Variants in IL4R observed in about 807,000 individuals in gnomAD.
IL4R encodes interleukin-4 receptor subunit alpha.
A neutral mutation model predicts 41.5 loss-of-function variants in IL4R; 17 were observed. The ratio of observed to expected loss-of-function variants is 0.41; its 90% CI spans 0.28 to 0.61. The LOEUF is 0.61. IL4R is among the 20% of genes least tolerant of loss of function. The pLI is 0.31. For synonymous variants in IL4R, 402 were observed against 422.9 expected (o/e 0.95, Z 0.61); for missense variants, 974 against 1,043.1 (o/e 0.93, Z 0.91).
intron 6 of IL4R, among the ~76,000 whole-genome samples, chr16:27,347,449 C>T (rs1167700702): frequency 2.6e-5 from 4 of 152,176 alleles, no homozygotes; most frequent in Non-Finnish European, 5.9e-5. Context: ...CCTTGGCCTC[C>T]CAAAGTGCTG....
chr16:27,363,409 T>C lies in IL4R; in HGVS notation c.2057T>C (p.Val686Ala), dbSNP rs138531957. Residue 686 changes from valine (V) to alanine (A), a missense_variant, in exon 11 of 11, where the codon GTA (valine) becomes GCA (alanine). This residue lies in a region of IL4R where 682 missense variants were observed against 704.3 expected (regional missense o/e 0.97). Coordinates refer to ENST00000395762, the MANE Select transcript of IL4R (RefSeq NM_000418.4). ...EHLGLEPGEK[V>A]EDMPKPPLPQ... ...CTGGGTCTGGAGCCGGGGGAAAAGG[T>C]AGAGGACATGCCAAAGCCCCCACTT... 4.9e-5 allele frequency: 79 copies of C among 1,614,012 alleles called. No homozygotes were observed. In the African/African-American group the frequency reaches 9.3e-4, roughly 19 times the overall value.
chr16:27,324,708 G>A (rs1005624828), intron 1 of IL4R, among the ~76,000 whole-genome samples: 1 of 152,242 alleles, frequency 6.6e-6, no homozygotes, highest in African/African-American at 2.4e-5. Context: ...CCTCCTTTGG[G>A]CCTCTGGAAT....
rs754132056 is a variant in IL4R at position 27,362,895 on chromosome 16, C to G, written c.1543C>G (p.Pro515Ala). ...SQSPCPRELG[P>A]DPLLARHLEE... Reference sequence around the variant, plus strand: ...GTCACCGTGTCCCAGAGAGCTGGGTCCAGACCCACTGCTGGCCAGACACCT... The same window carrying G: ...GTCACCGTGTCCCAGAGAGCTGGGTGCAGACCCACTGCTGGCCAGACACCT... Residue 515 changes from proline (P) to alanine (A), a missense_variant, in exon 11 of 11, where the codon CCA becomes GCA. Coordinates refer to ENST00000395762, the MANE Select transcript of IL4R (RefSeq NM_000418.4). 1 of 1,614,162 alleles carries G rather than the reference C, an allele frequency of 6.2e-7. No individual in the cohort carries two copies. The highest frequency in any genetic ancestry group is 8.5e-7 in the Non-Finnish European group (1 of 1,180,024).
At chr16:27,334,921 A>G (rs928689022) in intron 2 of IL4R, among the ~76,000 whole-genome samples, 3 of 152,088 alleles carry the variant, frequency 2.0e-5, no homozygotes, top group African/African-American at 7.2e-5. Flanking sequence ...TGTGCCAGGC[A>G]CCGTTGTAGA....
At chr16:27,350,741 A>G (rs186783297) in intron 6 of IL4R, among the ~76,000 whole-genome samples, 148 of 152,272 alleles carry the variant, frequency 9.7e-4, no homozygotes, top group Non-Finnish European at 1.8e-3. Flanking sequence ...TAAAAATACA[A>G]ATGGTACAAA....
rs1244196885 is a variant in IL4R at position 27,345,980 on chromosome 16, A to G, written c.362-487A>G. On this transcript the variant is annotated intron_variant, in intron 5 of 10. Coordinates refer to ENST00000395762, the MANE Select transcript of IL4R (RefSeq NM_000418.4). This position sits in a 1 kb window ranked among gnomAD's most constrained non-coding sequence, Gnocchi z 4.5. ...GAGTGAGATTACGTCTCAAAAAAAT[A>G]AAAATAAATAAAAATAAAAAGATTT... Among the ~76,000 whole-genome samples the G allele has an allele frequency of 6.6e-6, 1 of 152,084 alleles. No individual in the cohort carries two copies. Among genetic ancestry groups the G allele is most frequent in the African/African-American group, 2.4e-5 (1 of 41,410 alleles).
At chr16:27,329,384 AT>A (rs1270105943) in intron 1 of IL4R, among the ~76,000 whole-genome samples, 2 of 152,130 alleles carry the variant, frequency 1.3e-5, no homozygotes, top group Admixed American at 6.6e-5. Flanking sequence ...CTTATGGCAT[AT>A]TTTAATCTAG....
At chr16:27,360,841 C>CTTG in intron 10 of IL4R, 26 bp downstream of exon 10, 1 of 1,614,138 alleles carries the variant, frequency 6.2e-7, no homozygotes, top group Non-Finnish European at 8.5e-7. Flanking sequence ...TAGGTCACAG[C>CTTG]CTGCATGCAT....
At chr16:27,358,240 G>A (rs116709934) in intron 8 of IL4R, among the ~76,000 whole-genome samples, 226 of 152,338 alleles carry the variant, frequency 1.5e-3, no homozygotes, top group African/African-American at 5.1e-3. Flanking sequence ...TTTCCCTCTT[G>A]AAGGTCAGTT....
At chr16:27,326,703 G>A (rs531307943) in intron 1 of IL4R, among the ~76,000 whole-genome samples, 8 of 152,284 alleles carry the variant, frequency 5.3e-5, no homozygotes, top group African/African-American at 1.9e-4. Flanking sequence ...ACTTGAGCAA[G>A]TGGGTGAGGA....
chr16:27,325,014 C>G (rs1159473310), intron 1 of IL4R, among the ~76,000 whole-genome samples: 3 of 152,190 alleles, frequency 2.0e-5, no homozygotes, highest in Non-Finnish European at 4.4e-5. Context: ...CAGCTCTCAG[C>G]TCAGCCCGCT....
In IL4R at chr16:27,342,232, T is replaced by C. The variant is rs370761635; in HGVS notation, c.182T>C (p.Leu61Ser). Residue 61 changes from leucine to serine, a missense_variant, in exon 4 of 11, where the codon TTG (leucine) becomes TCG (serine). Transcript: ENST00000395762. ...AATTGCAGCACCGAGCTCCGCCTGT[T>C]GTACCAGCTGGTTTTTCTGCTCTCC... ...PTNCSTELRL[L>S]YQLVFLLSEA... 5.6e-6 allele frequency: 9 copies of C among 1,614,106 alleles called. No individual in the cohort carries two copies. In the African/African-American group the frequency reaches 6.7e-5, roughly 12 times the overall value.
In IL4R at chr16:27,342,169, G is replaced by A. The variant is rs2141133465; in HGVS notation, c.119G>A (p.Ser40Asn). The change falls in exon 4 of 11, where the codon AGC becomes AAC. Residue 40 changes from serine (S) to asparagine (N), a missense_variant. Ser to Asn is a conservative substitution (Grantham distance 46, BLOSUM62 1). This residue lies in a region of IL4R where 284 missense variants were observed against 313.4 expected (regional missense o/e 0.91). Coordinates refer to ENST00000395762, the MANE Select transcript of IL4R (RefSeq NM_000418.4). Reference sequence around the variant, plus strand: ...CCCACCTGCGTCTCCGACTACATGAGCATCTCTACTTGCGAGTGGAAGATG... The same window carrying A: ...CCCACCTGCGTCTCCGACTACATGAACATCTCTACTTGCGAGTGGAAGATG... ...QEPTCVSDYM[S>N]ISTCEWKMNG... 1.2e-6 allele frequency: 2 copies of A among 1,614,238 alleles called. No individual in the cohort carries two copies. Among genetic ancestry groups the A allele is most frequent in the Non-Finnish European group, 1.7e-6 (2 of 1,180,040 alleles).
intron 2 of IL4R, among the ~76,000 whole-genome samples, chr16:27,335,660 C>T (rs1436741945): frequency 6.6e-6 from 1 of 152,154 alleles, no homozygotes; most frequent in Non-Finnish European, 1.5e-5. Flanking sequence ...AGGCTAGCTG[C>T]TGAGTACTTC....
chr16:27,334,943 C>T (rs914526652), intron 2 of IL4R, among the ~76,000 whole-genome samples: 1 of 152,064 alleles, frequency 6.6e-6, no homozygotes, highest in Admixed American at 6.6e-5. Flanking sequence ...ACTGGGGACT[C>T]GGCAGTGAAT....
chr16:27,316,239 A>C (rs1163429703), intron 1 of IL4R, among the ~76,000 whole-genome samples: 1 of 152,116 alleles, frequency 6.6e-6, no homozygotes, highest in Non-Finnish European at 1.5e-5. Flanking sequence ...GCGTGGTAGC[A>C]GGTGCCTCTA....
At chr16:27,318,664 C>T (rs1025034706) in intron 1 of IL4R, 27 of 152,362 alleles carry the variant, frequency 1.8e-4, no homozygotes, top group African/African-American at 5.5e-4. Flanking sequence ...CACCTCTTCT[C>T]GTTTGCTTAA....
At chr16:27,330,840 TG>T (rs1405231682) in intron 2 of IL4R, among the ~76,000 whole-genome samples, 2 of 152,090 alleles carry the variant, frequency 1.3e-5, no homozygotes, top group Non-Finnish European at 2.9e-5. Context: ...CTCTAGGGCT[TG>T]GATTTTATTC....
intron 8 of IL4R, among the ~76,000 whole-genome samples, chr16:27,356,253 G>T (rs3024641): frequency 6.6e-6 from 1 of 151,786 alleles, no homozygotes; most frequent in African/African-American, 2.4e-5. Context: ...CACTATGCCC[G>T]GCTAATTTTT....
Sources: gnomAD v4.1 joint callset for allele counts (sites outside exome capture counted in the v4.1 genomes callset) on GRCh38, gnomAD v4.1.1 for gene constraint, gnomAD v4.1.1 regional missense constraint, Gnocchi (gnomAD v3.1) non-coding constraint, MANE v1.5 for transcripts, NCBI Gene and HGNC (gene_info 2026-07-23, HGNC 2026-07-21) for gene names.